The following SPDEF variants were observed in gnomAD, a reference collection of about 807,000 sequenced individuals.
SPDEF encodes the protein SAM pointed domain-containing Ets transcription factor.
A neutral mutation model predicts 36.0 loss-of-function variants in SPDEF; 12 were observed. The observed-to-expected ratio is 0.33, with a 90% CI of 0.21 to 0.54. The LOEUF (loss-of-function observed/expected upper bound fraction) is 0.54, where lower values mean the gene tolerates loss of function less well. SPDEF is among the 20% of genes least tolerant of loss of function. The pLI, the probability that SPDEF is intolerant of heterozygous loss-of-function variation, is 0.93. For missense variants in SPDEF, 388 were observed against 456.9 expected (o/e 0.85, Z 1.37); for synonymous variants, 205 against 193.0 (o/e 1.06, Z -0.51).
At chr6:34,540,483 A>G (rs1363634349) in intron 3 of SPDEF, among the ~76,000 whole-genome samples, 1 of 151,906 alleles carries the variant, frequency 6.6e-6, no homozygotes, top group African/African-American at 2.4e-5. Context: ...CCCTGGAAAG[A>G]TACTCAAGAA....
At chr6:34,549,246 G>T (rs947603425) in intron 1 of SPDEF, among the ~76,000 whole-genome samples, 2 of 152,236 alleles carry the variant, frequency 1.3e-5, no homozygotes, top group Non-Finnish European at 2.9e-5. Flanking sequence ...GACAAAGAAA[G>T]TTTGGTAACA....
Position 34,537,912 on chromosome 6 carries a change from AGGGGG to A in SPDEF, c.*357_*361del. The A allele has an allele frequency of 4.8e-6, 1 of 209,762 alleles. No homozygotes were observed. Among genetic ancestry groups the A allele is most frequent in the Non-Finnish European group, 9.7e-6 (1 of 103,294 alleles). The allele number at this position is 209,762 out of a possible 1,614,324, so 13.0% of individuals were successfully genotyped here. On this transcript the variant is annotated 3_prime_UTR_variant, in exon 6 of 6. Coordinates refer to ENST00000374037, the MANE Select transcript of SPDEF (RefSeq NM_012391.3). Reference sequence around the variant, plus strand: ...CCAGGTGTGGTGCAGAATGGGAGGCAGGGGGATGGAGCAGAGAGAGGCCTGGACTG... The same window carrying A: ...CCAGGTGTGGTGCAGAATGGGAGGCAATGGAGCAGAGAGAGGCCTGGACTG...
chr6:34,549,052 T>C (rs1465344223), intron 1 of SPDEF, among the ~76,000 whole-genome samples: 1 of 152,230 alleles, frequency 6.6e-6, no homozygotes, highest in Non-Finnish European at 1.5e-5. Flanking sequence ...TCCAGGGTCC[T>C]CAGATGGCAG....
At chr6:34,546,823 G>T (rs1019542547) in intron 1 of SPDEF, among the ~76,000 whole-genome samples, 1 of 152,144 alleles carries the variant, frequency 6.6e-6, no homozygotes, top group Non-Finnish European at 1.5e-5. Context: ...CTGGGGATGT[G>T]GGGGACAGAG....
intron 1 of SPDEF, among the ~76,000 whole-genome samples, chr6:34,548,989 A>G (rs966695275): frequency 6.6e-6 from 1 of 152,226 alleles, no homozygotes; most frequent in Admixed American, 6.5e-5. Context: ...CCTGACACTC[A>G]GGCCACTGCT....
Position 34,552,617 on chromosome 6 carries a change from T to C in SPDEF, c.-30+3312A>G, listed in dbSNP as rs1414913082. ...ACCTGGTTGTTGGTCTGTAAAATCT[T>C]GATGGGCTGAAGGGAAAAAACATTC... On this transcript the variant is annotated intron_variant, in intron 1 of 5. Coordinates refer to ENST00000374037, the MANE Select transcript of SPDEF (RefSeq NM_012391.3). This position sits in a 1 kb window ranked among gnomAD's most constrained non-coding sequence, Gnocchi z 4.6. Among the ~76,000 whole-genome samples the C allele has an allele frequency of 6.6e-6, 1 of 152,104 alleles. No individual in the cohort carries two copies. The highest frequency in any genetic ancestry group is 1.5e-5 in the Non-Finnish European group (1 of 68,010).
At chr6:34,554,369 A>G (rs1233841684) in intron 1 of SPDEF, among the ~76,000 whole-genome samples, 3 of 151,810 alleles carry the variant, frequency 2.0e-5, no homozygotes, top group African/African-American at 7.3e-5. Flanking sequence ...GTGCAGCCCT[A>G]TTCCCTCAGA....
intron 1 of SPDEF, among the ~76,000 whole-genome samples, chr6:34,548,505 C>T (rs1483120190): frequency 6.6e-6 from 1 of 152,162 alleles, no homozygotes; most frequent in Non-Finnish European, 1.5e-5. Flanking sequence ...TCTGAGTCTA[C>T]CTCCTACCTG....
rs539362144 is a variant in SPDEF, at chr6:34,541,110, G to C, written c.508C>G (p.Pro170Ala). Reference protein sequence around the residue: ...LWTEHQYRLPPMGKAFQELAG... With the variant: ...LWTEHQYRLPAMGKAFQELAG... ...AGCTCCTGGAAGGCCTTGCCCATGG[G>C]GGGCAGCCGGTATTGGTGCTCTGTC... The change falls in exon 3 of 6, where the codon CCC becomes GCC. Residue 170 changes from proline to alanine, a missense_variant. Pro to Ala is a conservative substitution (Grantham distance 27). Around this residue, in one of 2 missense-constraint regions of SPDEF, gnomAD observed 308 missense variants for 326.1 expected, o/e 0.94. Coordinates refer to ENST00000374037, the MANE Select transcript of SPDEF (RefSeq NM_012391.3). 13 of 1,610,618 alleles carry C rather than the reference G, an allele frequency of 8.1e-6. No individual in the cohort carries two copies. The highest frequency in any genetic ancestry group is 2.7e-5 in the African/African-American group (2 of 75,000).
chr6:34,543,255 T>C (rs539268884), intron 2 of SPDEF, among the ~76,000 whole-genome samples: 2 of 151,122 alleles, frequency 1.3e-5, no homozygotes, highest in East Asian at 1.9e-4. Flanking sequence ...TGCTTATTAT[T>C]GAACAACTGT....
chr6:34,538,414 G>A lies in SPDEF; in HGVS notation c.868C>T (p.Leu290=). The A allele has an allele frequency of 6.2e-7, 1 of 1,613,966 alleles. No homozygotes were observed. The highest frequency in any genetic ancestry group is 8.5e-7 in the Non-Finnish European group (1 of 1,179,916). The part of the protein sequence containing the change: ...KIEDSAQVAR[L]WGIRKNRPAM... ...GGACGGTTCTTGCGGATGCCCCACAGCCGGGCCACCTGGGCTGAGTCCTCA... is the reference window on the plus strand; with the variant it reads ...GGACGGTTCTTGCGGATGCCCCACAACCGGGCCACCTGGGCTGAGTCCTCA... Residue 290 remains leucine (L), a synonymous_variant, in exon 6 of 6, where the codon CTG becomes TTG. Transcript: ENST00000374037. The surrounding 1 kb of genome is among the most constrained non-coding windows in gnomAD (Gnocchi z 5.9).
At position 34,538,012 on chromosome 6, in the gene SPDEF, T is replaced by G. The variant is rs1581993888; in HGVS notation, c.*262A>C. The G allele has an allele frequency of 2.3e-6, 1 of 431,314 alleles. No individual in the cohort carries two copies. The highest frequency in any genetic ancestry group is 4.2e-6 in the Non-Finnish European group (1 of 237,350). 26.7% of individuals were successfully genotyped at this position (431,314 alleles called of 1,614,324 possible). The stretch of plus-strand genomic sequence containing the variant: ...TGGAAATGCTGGGGTCAGAGGCAGG[T>G]GTTGGGGAGCAGCCCTGTCTCCCTC... On this transcript the variant is annotated 3_prime_UTR_variant, in exon 6 of 6. Transcript: ENST00000374037. The surrounding 1 kb of genome is among the most constrained non-coding windows in gnomAD (Gnocchi z 5.9).
Position 34,555,616 on chromosome 6 carries a change from G to A in SPDEF, c.-30+313C>T, listed in dbSNP as rs917349992. The stretch of plus-strand genomic sequence containing the variant: ...GAACTGGCTGGGTCTCAGGGGCCGG[G>A]GCTCTGCATCTGCACGGCGGCCTCC... On this transcript the variant is annotated intron_variant, in intron 1 of 5. Transcript: ENST00000374037. The surrounding 1 kb of genome is among the most constrained non-coding windows in gnomAD (Gnocchi z 5.2). 2.6e-5 allele frequency among the ~76,000 whole-genome samples: 4 copies of A among 152,162 alleles called. No individual in the cohort carries two copies. The highest frequency in any genetic ancestry group is 9.7e-5 in the African/African-American group (4 of 41,446).
Position 34,538,716 on chromosome 6 carries a change from C to G in SPDEF, c.830-264G>C, listed in dbSNP as rs1035792290. The stretch of plus-strand genomic sequence containing the variant: ...CTCTGGAGTCACAAACCTCCCGGTA[C>G]AGGTGAGCCTGTGTACCTTAGTGGG... On this transcript the variant is annotated intron_variant, in intron 5 of 5. Transcript: ENST00000374037. This position sits in a 1 kb window ranked among gnomAD's most constrained non-coding sequence, Gnocchi z 5.9. Among the ~76,000 whole-genome samples the G allele has an allele frequency of 6.6e-6, 1 of 152,224 alleles. No individual in the cohort carries two copies. Among genetic ancestry groups the G allele is most frequent in the Non-Finnish European group, 1.5e-5 (1 of 68,034 alleles).
At chr6:34,550,818 A>C (rs1768043626) in intron 1 of SPDEF, among the ~76,000 whole-genome samples, 1 of 152,184 alleles carries the variant, frequency 6.6e-6, no homozygotes, top group South Asian at 2.1e-4. Flanking sequence ...TGGAAGCCAA[A>C]GTGGAGCGCC....
At position 34,538,299 on chromosome 6, in the gene SPDEF, ACGAGG is replaced by A; in HGVS notation, c.978_982del (p.Val328ProfsTer14). On this transcript the variant is annotated frameshift_variant, in exon 6 of 6. Coordinates refer to ENST00000374037, the MANE Select transcript of SPDEF (RefSeq NM_012391.3). LOFTEE classifies it high-confidence loss of function. The surrounding 1 kb of genome is among the most constrained non-coding windows in gnomAD (Gnocchi z 5.9). ...TCAGATGGGGTGCACGAACTGGTAG[ACGAGG>A]CGCTGGGAGATGTCTGGCTTCCGGA... 1 of 1,614,062 alleles carries A rather than the reference ACGAGG, an allele frequency of 6.2e-7. No homozygotes were observed. The highest frequency in any genetic ancestry group is 8.5e-7 in the Non-Finnish European group (1 of 1,179,932).
Position 34,538,222 on chromosome 6 carries a change from G to A in SPDEF, c.*52C>T. 6.4e-7 allele frequency: 1 copy of A among 1,559,404 alleles called. No individual in the cohort carries two copies. Among genetic ancestry groups the A allele is most frequent in the Non-Finnish European group, 8.8e-7 (1 of 1,140,576 alleles). ...CATCTCAGGGCCTGGCTGAGGCAGGGCAGGCAGGAGAGAGGCCCCTGAGGG... is the reference window on the plus strand; with the variant it reads ...CATCTCAGGGCCTGGCTGAGGCAGGACAGGCAGGAGAGAGGCCCCTGAGGG... On this transcript the variant is annotated 3_prime_UTR_variant, in exon 6 of 6. Transcript: ENST00000374037. This position sits in a 1 kb window ranked among gnomAD's most constrained non-coding sequence, Gnocchi z 5.9.
In SPDEF at chr6:34,544,385, G is replaced by C. The variant is rs370099797; in HGVS notation, c.71C>G (p.Ser24Trp). Residue 24 changes from serine to tryptophan, a missense_variant, in exon 2 of 6, where the codon TCG becomes TGG. By Grantham distance (177) the Ser-to-Trp change is radical. This residue lies in a region of SPDEF where 308 missense variants were observed against 326.1 expected (regional missense o/e 0.94). Coordinates refer to ENST00000374037, the MANE Select transcript of SPDEF (RefSeq NM_012391.3). The surrounding 1 kb of genome is among the most constrained non-coding windows in gnomAD (Gnocchi z 4.4). ...SHLLLPPDTV[S>W]RTGLEKAAAG... ...TGCCGCCTTCTCCAAGCCTGTCCGC[G>C]ACACCGTGTCGGGGGGCAGCAGGAG... 6.3e-7 allele frequency: 1 copy of C among 1,595,838 alleles called. No homozygotes were observed. The highest frequency in any genetic ancestry group is 1.3e-5 in the African/African-American group (1 of 74,702).
chr6:34,553,062 G>A (rs1005227970), intron 1 of SPDEF, among the ~76,000 whole-genome samples: 2 of 152,148 alleles, frequency 1.3e-5, no homozygotes, highest in African/African-American at 4.8e-5. Context: ...AGAAGGAGGG[G>A]GGTCTTTATC....
Sources: allele counts gnomAD v4.1 joint callset (sites outside exome capture counted in the v4.1 genomes callset), GRCh38; gene constraint gnomAD v4.1.1; regional missense constraint gnomAD v4.1.1; non-coding constraint Gnocchi (gnomAD v3.1); transcripts MANE v1.5; gene names NCBI Gene and HGNC (gene_info 2026-07-23, HGNC 2026-07-21).